PTPRD: variants seen among roughly 807,000 people sequenced by gnomAD.
PTPRD encodes receptor-type tyrosine-protein phosphatase delta.
In PTPRD, 34 loss-of-function variants were observed where a neutral mutation model predicts 214.5. The ratio of observed to expected loss-of-function variants is 0.16; its 90% CI spans 0.12 to 0.21. The LOEUF (loss-of-function observed/expected upper bound fraction) is 0.21. PTPRD is among the 10% of genes least tolerant of loss of function. PTPRD has a pLI of 1.00. For synonymous variants in PTPRD, 1,128 were observed against 845.7 expected (o/e 1.33, Z -5.79); for missense variants, 2,545 against 2,398.7 (o/e 1.06, Z -1.27).
intron 4 of PTPRD, among the ~76,000 whole-genome samples, chr9:9,982,151 G>A (rs769390683): frequency 4.6e-5 from 7 of 152,096 alleles, no homozygotes; most frequent in Non-Finnish European, 1.0e-4. Flanking sequence ...CTGTAATTCC[G>A]AAAGGGTTGC....
intron 3 of PTPRD, among the ~76,000 whole-genome samples, chr9:10,221,176 G>A (rs1005866809): frequency 6.6e-6 from 1 of 151,994 alleles, no homozygotes; most frequent in Non-Finnish European, 1.5e-5. Context: ...AAACATGGAA[G>A]GTTGAAAAGT....
chr9:9,375,234 G>A (rs2060477288), intron 9 of PTPRD, among the ~76,000 whole-genome samples: 2 of 152,122 alleles, frequency 1.3e-5, no homozygotes, highest in Admixed American at 6.6e-5. Context: ...GCCAAATGTG[G>A]ATAATCCACC....
rs139295069 is a variant in PTPRD, at chr9:8,745,287, T to G, written c.-103-11341A>C. ...ATTTTCTTTCTTCTATAGCATGGTG[T>G]ATCTACTTTTACTATCTCTGACTTA... On this transcript the variant is annotated intron_variant, in intron 11 of 45. Transcript: ENST00000381196. Among the ~76,000 whole-genome samples the G allele has an allele frequency of 6.6e-4, 101 of 152,386 alleles. No individual in the cohort carries two copies. In the South Asian group the frequency reaches 0.016, roughly 24 times the overall value.
In PTPRD at chr9:9,242,655, C is replaced by T. The variant is rs184437971; in HGVS notation, c.-202-59292G>A. On this transcript the variant is annotated intron_variant, in intron 9 of 45. Transcript: ENST00000381196. ...AATCAGCTACTGAAGCTTGTGCATT[C>T]GTCACGTAGTTCTTGTGCCATGGTT... Among the ~76,000 whole-genome samples the T allele has an allele frequency of 6.8e-3, 1,028 of 152,256 alleles. 11 individuals carry two copies. The highest frequency in any genetic ancestry group is 0.023 in the African/African-American group (956 of 41,564).
intron 3 of PTPRD, among the ~76,000 whole-genome samples, chr9:10,130,684 C>T (rs979260682): frequency 6.6e-6 from 1 of 151,974 alleles, no homozygotes; most frequent in East Asian, 1.9e-4. Flanking sequence ...TAAATCATTA[C>T]TGAATGACAG....
chr9:8,489,439 T>C (rs72694719), intron 27 of PTPRD, among the ~76,000 whole-genome samples: 312 of 152,264 alleles, frequency 2.0e-3, no homozygotes, highest in Non-Finnish European at 3.8e-3. Context: ...ATTCCTTCCC[T>C]GGGCAGAAGT....
At chr9:10,324,661 G>T (rs2096612033) in intron 3 of PTPRD, among the ~76,000 whole-genome samples, 1 of 151,930 alleles carries the variant, frequency 6.6e-6, no homozygotes, top group African/African-American at 2.4e-5. Context: ...CGCATTTTCT[G>T]ATAGAATCTG....
At chr9:10,399,496 T>C (rs2098233952) in intron 2 of PTPRD, among the ~76,000 whole-genome samples, 1 of 151,956 alleles carries the variant, frequency 6.6e-6, no homozygotes, top group Non-Finnish European at 1.5e-5. Flanking sequence ...GGCAGTGGTG[T>C]AGATGCTGAA....
chr9:8,463,646 G>A (rs1007006058), intron 32 of PTPRD, among the ~76,000 whole-genome samples: 1 of 151,912 alleles, frequency 6.6e-6, no homozygotes, highest in African/African-American at 2.4e-5. Context: ...ATCATAAAAT[G>A]ATACCAGCCT....
chr9:10,370,649 T>A (rs114640580), intron 2 of PTPRD, among the ~76,000 whole-genome samples: 231 of 152,204 alleles, frequency 1.5e-3, no homozygotes, highest in African/African-American at 5.5e-3. Flanking sequence ...CTCATCTAAA[T>A]ATATTTAGAA....
chr9:9,931,886 G>T (rs370419558), intron 5 of PTPRD, among the ~76,000 whole-genome samples: 3 of 150,658 alleles, frequency 2.0e-5, no homozygotes, highest in Admixed American at 6.6e-5. Context: ...ATCTGAGAAC[G>T]GGCAGACTGC....
chr9:9,208,443 CA>C (rs777768950), intron 9 of PTPRD, among the ~76,000 whole-genome samples: 26 of 152,052 alleles, frequency 1.7e-4, no homozygotes, highest in Admixed American at 2.6e-4. Context: ...TCTATCTTCA[CA>C]TTTTAATTCA....
intron 11 of PTPRD, among the ~76,000 whole-genome samples, chr9:8,920,177 C>G (rs956390663): frequency 1.3e-5 from 2 of 152,002 alleles, no homozygotes; most frequent in Admixed American, 6.6e-5. Context: ...CCCATCTCTA[C>G]TAACATACCA....
chr9:9,117,545 G>A (rs376954733), intron 10 of PTPRD, among the ~76,000 whole-genome samples: 1 of 152,164 alleles, frequency 6.6e-6, no homozygotes, highest in Non-Finnish European at 1.5e-5. Context: ...AAGTTGGTAG[G>A]CCAACTGAGG....
chr9:9,974,009 C>G (rs568712580), intron 4 of PTPRD, among the ~76,000 whole-genome samples: 1 of 152,120 alleles, frequency 6.6e-6, no homozygotes, highest in Non-Finnish European at 1.5e-5. Context: ...TTGTTCCCAT[C>G]ATAGGAATTT....
intron 10 of PTPRD, among the ~76,000 whole-genome samples, chr9:9,042,750 T>C (rs2099644580): frequency 6.6e-6 from 1 of 151,528 alleles, no homozygotes; most frequent in African/African-American, 2.4e-5. Flanking sequence ...AAGTTGAAAA[T>C]GCCAGATACT....
chr9:9,045,790 A>G (rs978732127), intron 10 of PTPRD, among the ~76,000 whole-genome samples: 8 of 152,182 alleles, frequency 5.3e-5, no homozygotes, highest in Non-Finnish European at 1.2e-4. Context: ...TTAAGGAGGA[A>G]AAAAAAGTAG....
At chr9:10,030,837 G>T (rs1342121364) in intron 4 of PTPRD, among the ~76,000 whole-genome samples, 3 of 152,128 alleles carry the variant, frequency 2.0e-5, no homozygotes, top group Non-Finnish European at 4.4e-5. Flanking sequence ...CGGACTCTAT[G>T]GTTTGTCATT....
chr9:8,388,023 C>G (rs78536355), intron 37 of PTPRD, among the ~76,000 whole-genome samples: 2,032 of 152,272 alleles, frequency 0.013, 61 homozygotes, highest in African/African-American at 0.047. Flanking sequence ...CCATTTTAGA[C>G]AATATTTCAA....
Sources: allele counts gnomAD v4.1 joint callset (sites outside exome capture counted in the v4.1 genomes callset), GRCh38; gene constraint gnomAD v4.1.1; transcripts MANE v1.5; gene names NCBI Gene and HGNC (gene_info 2026-07-23, HGNC 2026-07-21).